ARHGEF7: variants seen among roughly 807,000 people sequenced by gnomAD.
ARHGEF7 encodes the protein PAK-interacting exchange factor beta.
Under a neutral mutation model 109.8 loss-of-function variants are expected in ARHGEF7, and 33 were observed. The observed-to-expected ratio is 0.30, with a 90% CI of 0.23 to 0.40. The LOEUF (loss-of-function observed/expected upper bound fraction) is 0.40, where lower values mean the gene tolerates loss of function less well. ARHGEF7 is among the 10% of genes least tolerant of loss of function. ARHGEF7 has a pLI of 1.00. For missense variants in ARHGEF7, 938 were observed against 1,098.5 expected, an observed-to-expected ratio of 0.85 and a Z score of 2.07; for synonymous variants, 458 against 424.6, an observed-to-expected ratio of 1.08 and a Z score of -0.97.
intron 5 of ARHGEF7, among the ~76,000 whole-genome samples, chr13:111,231,072 C>A (rs893242490): frequency 2.0e-5 from 3 of 152,160 alleles, no homozygotes; most frequent in Non-Finnish European, 4.4e-5. Context: ...GTCACTGTTA[C>A]GAAGTTCACT....
intron 6 of ARHGEF7, among the ~76,000 whole-genome samples, chr13:111,236,325 CT>C (rs1210639045): frequency 3.3e-5 from 5 of 152,330 alleles, no homozygotes; most frequent in Admixed American, 1.3e-4. Context: ...TCTGTGCCCC[CT>C]AGAGACAGTT....
intron 1 of ARHGEF7, among the ~76,000 whole-genome samples, chr13:111,132,865 T>C (rs1343423608): frequency 6.6e-6 from 1 of 151,944 alleles, no homozygotes; most frequent in Non-Finnish European, 1.5e-5. Context: ...GAGAGTGTTA[T>C]TGGGAGTAGG....
intron 12 of ARHGEF7, among the ~76,000 whole-genome samples, chr13:111,276,241 A>G (rs747016947): frequency 1.1e-4 from 17 of 152,232 alleles, no homozygotes; most frequent in Non-Finnish European, 2.1e-4. Context: ...TCAATGGGTC[A>G]CTGAACAGGC....
At chr13:111,174,440 A>G (rs1258382785) in intron 2 of ARHGEF7, among the ~76,000 whole-genome samples, 1 of 152,172 alleles carries the variant, frequency 6.6e-6, no homozygotes, top group Non-Finnish European at 1.5e-5. Flanking sequence ...AGCAAGGAAG[A>G]GGCCATCTTG....
intron 8 of ARHGEF7, among the ~76,000 whole-genome samples, chr13:111,263,036 C>T (rs533519839): frequency 1.3e-5 from 2 of 152,300 alleles, no homozygotes; most frequent in South Asian, 4.1e-4. Flanking sequence ...AAGAGAGAAC[C>T]GAGGGGAACA....
intron 1 of ARHGEF7, among the ~76,000 whole-genome samples, chr13:111,119,180 C>T (rs1198036628): frequency 6.6e-6 from 1 of 152,216 alleles, no homozygotes; most frequent in Non-Finnish European, 1.5e-5. Context: ...CCAAATTCCT[C>T]CTTTTTAGCA....
chr13:111,211,595 AT>A (rs1168508363), intron 4 of ARHGEF7, among the ~76,000 whole-genome samples: 2 of 152,118 alleles, frequency 1.3e-5, no homozygotes, highest in Non-Finnish European at 2.9e-5. Context: ...TTTTGGGCTG[AT>A]GTTTTGATTG....
chr13:111,210,132 C>A, intron 4 of ARHGEF7, 130 bp downstream of exon 4: 1 of 1,197,678 alleles, frequency 8.3e-7, no homozygotes, highest in Non-Finnish European at 1.2e-6. Flanking sequence ...ACTTCGCCTC[C>A]GTTGTGCCTG....
chr13:111,299,928 C>T (rs1321617351), intron 19 of ARHGEF7, among the ~76,000 whole-genome samples: 2 of 152,196 alleles, frequency 1.3e-5, no homozygotes, highest in African/African-American at 4.8e-5. Context: ...TGATTTGCAT[C>T]TGGCATAATT....
rs551908520 is a variant in ARHGEF7 at position 111,236,224 on chromosome 13, C to T, written c.759+2931C>T. Among the ~76,000 whole-genome samples, 17 of 152,244 alleles carry T rather than the reference C, an allele frequency of 1.1e-4. 1 individual carries two copies. The highest frequency in any genetic ancestry group is 6.5e-5 in the Admixed American group (1 of 15,290). On this transcript the variant is annotated intron_variant, in intron 6 of 21. Coordinates refer to ENST00000646102, the MANE Select transcript of ARHGEF7 (RefSeq NM_001354046.2). ...CAATATTTGAGCCATTGTCTTCATA[C>T]TGTCCTTTAATTTTTTAAACATAGT...
chr13:111,214,495 C>T (rs1014600133), intron 4 of ARHGEF7, among the ~76,000 whole-genome samples: 5 of 152,262 alleles, frequency 3.3e-5, no homozygotes, highest in Admixed American at 6.5e-5. Context: ...CGTTGGATTA[C>T]TTACAGGAGA....
At chr13:111,248,311 G>A (rs1037673971) in intron 8 of ARHGEF7, among the ~76,000 whole-genome samples, 6 of 151,826 alleles carry the variant, frequency 4.0e-5, no homozygotes, top group South Asian at 2.1e-4. Flanking sequence ...GTTGTTCCCC[G>A]TCCGCTTCCT....
In ARHGEF7 at chr13:111,272,353, G is replaced by A. The variant is rs372545024; in HGVS notation, c.1074-1461G>A. Among the ~76,000 whole-genome samples the A allele has an allele frequency of 7.9e-5, 12 of 152,202 alleles. No homozygotes were observed. Among genetic ancestry groups the A allele is most frequent in the African/African-American group, 2.9e-4 (12 of 41,454 alleles). ...CCCGGGAGCCCTTGATGGTTCTGGT[G>A]TCCCCGAGACCTCTGGCAGTAGCCA... On this transcript the variant is annotated intron_variant, in intron 9 of 21. Transcript: ENST00000646102. This position sits in a 1 kb window ranked among gnomAD's most constrained non-coding sequence, Gnocchi z 5.2.
At chr13:111,148,079 G>A (rs1052117411) in intron 1 of ARHGEF7, among the ~76,000 whole-genome samples, 2 of 152,216 alleles carry the variant, frequency 1.3e-5, no homozygotes, top group Admixed American at 1.3e-4. Flanking sequence ...TGCTTCTGTA[G>A]TGCTGAGTCT....
intron 15 of ARHGEF7, among the ~76,000 whole-genome samples, chr13:111,281,869 CT>C: frequency 6.6e-6 from 1 of 152,356 alleles, no homozygotes; most frequent in South Asian, 2.1e-4. Context: ...CTGCATTCTC[CT>C]ACAGAGTTTC....
At chr13:111,274,989 CTG>C (rs1456541721) in intron 11 of ARHGEF7, among the ~76,000 whole-genome samples, 199 bp downstream of exon 11, 1 of 152,198 alleles carries the variant, frequency 6.6e-6, no homozygotes, top group African/African-American at 2.4e-5. Context: ...TTTAAAGTCA[CTG>C]TGTAATTGAT....
intron 8 of ARHGEF7, among the ~76,000 whole-genome samples, chr13:111,261,228 C>A (rs1386280329): frequency 6.6e-6 from 1 of 151,326 alleles, no homozygotes; most frequent in Non-Finnish European, 1.5e-5. Flanking sequence ...AGACAAAAAA[C>A]CCAATGATCT....
chr13:111,270,952 G>A (rs1383529745), intron 9 of ARHGEF7, among the ~76,000 whole-genome samples: 2 of 152,206 alleles, frequency 1.3e-5, no homozygotes, highest in East Asian at 3.9e-4. Context: ...GGGCGGAGGG[G>A]AGGGATGTGT....
intron 17 of ARHGEF7, among the ~76,000 whole-genome samples, chr13:111,287,379 G>T (rs2153617790): frequency 6.6e-6 from 1 of 152,358 alleles, no homozygotes; most frequent in South Asian, 2.1e-4. Flanking sequence ...TCCAGGGGCA[G>T]CACTGAGCTG....
Sources: allele counts gnomAD v4.1 joint callset (sites outside exome capture counted in the v4.1 genomes callset), GRCh38; gene constraint gnomAD v4.1.1; non-coding constraint Gnocchi (gnomAD v3.1); transcripts MANE v1.5; gene names NCBI Gene and HGNC (gene_info 2026-07-23, HGNC 2026-07-21).